Variants in KCNQ1 observed in about 807,000 individuals in gnomAD.
KCNQ1 encodes the protein potassium voltage-gated channel subfamily KQT member 1.
A neutral mutation model predicts 72.4 loss-of-function variants in KCNQ1; 49 were observed. That is an observed-to-expected ratio of 0.68 (90% CI 0.54 to 0.86). KCNQ1 has a LOEUF of 0.86. Among genes scored for constraint, KCNQ1 ranks in the 40% least tolerant of loss-of-function variants. The pLI, the probability that KCNQ1 is intolerant of heterozygous loss-of-function variation, is 0.00. For synonymous variants in KCNQ1, 450 were observed against 412.6 expected, an observed-to-expected ratio of 1.09 and a Z score of -1.10; for missense variants, 790 against 945.1, an observed-to-expected ratio of 0.84 and a Z score of 2.15.
chr11:2,728,865 A>G (rs1374637316), intron 11 of KCNQ1, among the ~76,000 whole-genome samples: 1 of 152,170 alleles, frequency 6.6e-6, no homozygotes, highest in Non-Finnish European at 1.5e-5. Context: ...AACTTAATCT[A>G]TTATTACACA....
At chr11:2,641,139 G>A (rs1202704737) in intron 10 of KCNQ1, 1 of 398,294 alleles carries the variant, frequency 2.5e-6, no homozygotes, top group Non-Finnish European at 4.4e-6. Flanking sequence ...GGGGATGCAG[G>A]TACATTTTTA....
At chr11:2,740,348 T>C (rs1199635747) in intron 11 of KCNQ1, among the ~76,000 whole-genome samples, 1 of 152,206 alleles carries the variant, frequency 6.6e-6, no homozygotes, top group Non-Finnish European at 1.5e-5. Context: ...TTTCTGGCTC[T>C]CCAAATATAC....
At chr11:2,794,427 A>G (rs1212680563) in intron 15 of KCNQ1, among the ~76,000 whole-genome samples, 1 of 152,186 alleles carries the variant, frequency 6.6e-6, no homozygotes, top group Non-Finnish European at 1.5e-5. Context: ...CTTAGAGATC[A>G]AGTGGAAAAG....
intron 10 of KCNQ1, chr11:2,629,887 C>G (rs1344345488): frequency 2.5e-6 from 1 of 398,144 alleles, no homozygotes; most frequent in Non-Finnish European, 4.4e-6. Context: ...ATTTTACTTC[C>G]TTCTTTCTGA....
At chr11:2,456,916 G>A (rs184175386) in intron 1 of KCNQ1, among the ~76,000 whole-genome samples, 2,143 of 142,330 alleles carry the variant, frequency 0.015, 57 homozygotes, top group African/African-American at 0.049. Context: ...TCCAGCCTGG[G>A]TGACAGAGCA....
chr11:2,541,720 A>T lies in KCNQ1; in HGVS notation c.477+13702A>T, dbSNP rs188697238. On this transcript the variant is annotated intron_variant, in intron 2 of 15. Coordinates refer to ENST00000155840, the MANE Select transcript of KCNQ1 (RefSeq NM_000218.3). The surrounding 1 kb of genome is among the most constrained non-coding windows in gnomAD (Gnocchi z 4.8). ...GTGTTTTGAGTTTTTTTTTTTTTTTAAATGAGGACATCTGTTAGACCACTT... is the reference window on the plus strand; with the variant it reads ...GTGTTTTGAGTTTTTTTTTTTTTTTTAATGAGGACATCTGTTAGACCACTT... Among the ~76,000 whole-genome samples, 65 of 114,792 alleles carry T rather than the reference A, an allele frequency of 5.7e-4. 1 individual carries two copies. The highest frequency in any genetic ancestry group is 2.1e-3 in the African/African-American group (56 of 26,594). 75.3% of individuals were successfully genotyped at this position (114,792 alleles called of 152,430 possible).
Position 2,553,171 on chromosome 11 carries a change from T to TTG in KCNQ1, c.478-17456_478-17455insGT, listed in dbSNP as rs1472664263. ...TTTTGGGGTTTTTTTTGTTTTTTTT[T>TTG]TTTTTGTTTTTTTGTAGATTCTTTA... On this transcript the variant is annotated intron_variant, in intron 2 of 15. Coordinates refer to ENST00000155840, the MANE Select transcript of KCNQ1 (RefSeq NM_000218.3). 2.8e-3 allele frequency among the ~76,000 whole-genome samples: 397 copies of TTG among 143,160 alleles called. 3 individuals carry two copies. The highest frequency in any genetic ancestry group is 0.01 in the African/African-American group (384 of 36,868). The allele number at this position is 143,160 out of a possible 152,430, so 93.9% of individuals were successfully genotyped here.
chr11:2,790,259 T>C (rs1374806188), intron 15 of KCNQ1, among the ~76,000 whole-genome samples: 2 of 152,192 alleles, frequency 1.3e-5, no homozygotes, highest in African/African-American at 2.4e-5. Context: ...TTGTCTACAC[T>C]GTCCCCACTC....
chr11:2,659,109 A>G lies in KCNQ1; in HGVS notation c.1394-2852A>G, dbSNP rs932770053. The G allele has an allele frequency of 2.5e-6, 1 of 398,476 alleles. No homozygotes were observed. Among genetic ancestry groups the G allele is most frequent in the Non-Finnish European group, 4.4e-6 (1 of 226,042 alleles). The allele number at this position is 398,476 out of a possible 1,614,324, so 24.7% of individuals were successfully genotyped here. On this transcript the variant is annotated intron_variant, in intron 10 of 15. Coordinates refer to ENST00000155840, the MANE Select transcript of KCNQ1 (RefSeq NM_000218.3). The surrounding 1 kb of genome is among the most constrained non-coding windows in gnomAD (Gnocchi z 4.3). Reference sequence around the variant, plus strand: ...CGTAGGGTCCTCCAACATCCGGGTTAATTTTTTAAATTTGCATACAGTAAA... The same window carrying G: ...CGTAGGGTCCTCCAACATCCGGGTTGATTTTTTAAATTTGCATACAGTAAA...
intron 11 of KCNQ1, among the ~76,000 whole-genome samples, chr11:2,729,296 T>A (rs781307231): frequency 5.9e-5 from 9 of 152,256 alleles, no homozygotes; most frequent in Non-Finnish European, 1.3e-4. Flanking sequence ...TCTCTGTGCC[T>A]CGGTGCCCAC....
intron 1 of KCNQ1, among the ~76,000 whole-genome samples, chr11:2,524,761 G>A (rs921281668): frequency 6.6e-6 from 1 of 152,318 alleles, no homozygotes; most frequent in South Asian, 2.1e-4. Context: ...TCCACAGCCT[G>A]GGAAGAAGCA....
intron 15 of KCNQ1, among the ~76,000 whole-genome samples, chr11:2,797,206 G>C (rs1049455219): frequency 9.2e-5 from 14 of 152,142 alleles, no homozygotes; most frequent in African/African-American, 3.1e-4. Context: ...GGACAGTGCT[G>C]GGGGCTGGGC....
At position 2,585,307 on chromosome 11, in the gene KCNQ1, G is replaced by C. The variant is rs1848577607; in HGVS notation, c.1128G>C (p.Gln376His). The C allele has an allele frequency of 6.2e-7, 1 of 1,613,446 alleles. No individual in the cohort carries two copies. Among genetic ancestry groups the C allele is most frequent in the South Asian group, 1.1e-5 (1 of 91,082 alleles). The part of the protein sequence containing the change: ...RQIPAAASLI[Q>H]TAWRCYAAEN... ...TCCCGGCGGCAGCCTCACTCATTCA[G>C]GTGCGGTGCCTGCAAGGCCCTGGTC... Residue 376 changes from glutamine to histidine, a missense_variant and splice_region_variant, in exon 8 of 16, where the codon CAG (glutamine) becomes CAC (histidine). By Grantham distance (24) the Gln-to-His change is conservative. Coordinates refer to ENST00000155840, the MANE Select transcript of KCNQ1 (RefSeq NM_000218.3).
rs935259794 is a variant in KCNQ1 at position 2,602,349 on chromosome 11, C to T, written c.1393+13495C>T. Reference sequence around the variant, plus strand: ...AAATGTATTACAGCAGCCATGGGAACCTTATACATTGATAAGGATGACATG... The same window carrying T: ...AAATGTATTACAGCAGCCATGGGAATCTTATACATTGATAAGGATGACATG... On this transcript the variant is annotated intron_variant, in intron 10 of 15. Transcript: ENST00000155840. This position sits in a 1 kb window ranked among gnomAD's most constrained non-coding sequence, Gnocchi z 4.8. Among the ~76,000 whole-genome samples, 3 of 151,638 alleles carry T rather than the reference C, an allele frequency of 2.0e-5. No homozygotes were observed. The highest frequency in any genetic ancestry group is 2.0e-4 in the Admixed American group (3 of 15,254).
chr11:2,675,464 G>A (rs984737884), intron 11 of KCNQ1: 7 of 398,506 alleles, frequency 1.8e-5, no homozygotes, highest in Non-Finnish European at 2.2e-5. Flanking sequence ...ATGGAAAAAA[G>A]TTACATAAAA....
At position 2,766,065 on chromosome 11, in the gene KCNQ1, G is replaced by A. The variant is rs1344745034; in HGVS notation, c.1515-2779G>A. 6.6e-6 allele frequency among the ~76,000 whole-genome samples: 1 copy of A among 151,888 alleles called. No homozygotes were observed. Among genetic ancestry groups the A allele is most frequent in the Non-Finnish European group, 1.5e-5 (1 of 67,986 alleles). On this transcript the variant is annotated intron_variant, in intron 11 of 15. Transcript: ENST00000155840. This position sits in a 1 kb window ranked among gnomAD's most constrained non-coding sequence, Gnocchi z 4.4. ...GTCCCTGCTATCCAACTCACCTATT[G>A]CATTCTTCATTTCCATTATGGTCCT...
chr11:2,561,310 C>T (rs572877427), intron 2 of KCNQ1, among the ~76,000 whole-genome samples: 1 of 152,326 alleles, frequency 6.6e-6, no homozygotes, highest in South Asian at 2.1e-4. Flanking sequence ...GGGCCCCAGG[C>T]AGCTGGGCCA....
intron 11 of KCNQ1, chr11:2,699,942 C>T (rs1441076950): frequency 1.5e-5 from 6 of 398,292 alleles, no homozygotes; most frequent in East Asian, 1.1e-4. Flanking sequence ...CTGGCAGGAT[C>T]TTGCTGAGGA....
intron 15 of KCNQ1, among the ~76,000 whole-genome samples, chr11:2,800,809 G>C (rs540841480): frequency 1.2e-4 from 19 of 152,330 alleles, no homozygotes; most frequent in Middle Eastern, 3.4e-3. Context: ...TCCACTCAGT[G>C]ACCATCTGCC....
Sources: gnomAD v4.1 joint callset for allele counts (sites outside exome capture counted in the v4.1 genomes callset) on GRCh38, gnomAD v4.1.1 for gene constraint, Gnocchi (gnomAD v3.1) non-coding constraint, MANE v1.5 for transcripts, NCBI Gene and HGNC (gene_info 2026-07-23, HGNC 2026-07-21) for gene names.